PIK3R4: variants seen among roughly 807,000 people sequenced by gnomAD.
PIK3R4 encodes phosphoinositide 3-kinase regulatory subunit 4.
Under a neutral mutation model 136.5 loss-of-function variants are expected in PIK3R4, and 46 were observed. The ratio of observed to expected loss-of-function variants is 0.34; its 90% CI spans 0.27 to 0.43. The LOEUF is 0.43. Ranked by LOEUF, PIK3R4 falls within the 20% of genes least tolerant of loss-of-function variation. PIK3R4 has a pLI of 1.00. For synonymous variants in PIK3R4, 557 were observed against 566.7 expected, an observed-to-expected ratio of 0.98 and a Z score of 0.24; for missense variants, 1,331 against 1,649.5, an observed-to-expected ratio of 0.81 and a Z score of 3.35.
intron 9 of PIK3R4, among the ~76,000 whole-genome samples, chr3:130,715,121 C>CTTT (rs1170237161): frequency 2.0e-4 from 24 of 119,888 alleles, no homozygotes; most frequent in Non-Finnish European, 2.6e-4. Context: ...TTTTTCCCGA[C>CTTT]TTTTTTTTTT....
intron 9 of PIK3R4, among the ~76,000 whole-genome samples, chr3:130,709,215 G>A (rs575408730): frequency 3.3e-5 from 5 of 152,254 alleles, no homozygotes; most frequent in African/African-American, 4.8e-5. Flanking sequence ...ACTTGAAACG[G>A]ACAAATACTA....
At chr3:130,711,440 G>C (rs946872655) in intron 9 of PIK3R4, among the ~76,000 whole-genome samples, 6 of 152,212 alleles carry the variant, frequency 3.9e-5, no homozygotes, top group African/African-American at 1.4e-4. Flanking sequence ...GGCTAACTCT[G>C]TGGAGCAGAG....
At chr3:130,688,992 T>G (rs962569260) in intron 14 of PIK3R4, among the ~76,000 whole-genome samples, 10 of 152,236 alleles carry the variant, frequency 6.6e-5, no homozygotes, top group African/African-American at 2.4e-4. Flanking sequence ...TGACCATATT[T>G]TCCCATTGAG....
chr3:130,718,913 T>C (rs1160033801), intron 7 of PIK3R4, among the ~76,000 whole-genome samples: 1 of 152,120 alleles, frequency 6.6e-6, no homozygotes, highest in African/African-American at 2.4e-5. Context: ...TTCCCCAACT[T>C]GTACCCCCAC....
intron 14 of PIK3R4, among the ~76,000 whole-genome samples, chr3:130,689,412 A>G (rs964083124): frequency 3.3e-5 from 5 of 152,222 alleles, no homozygotes; most frequent in Non-Finnish European, 7.3e-5. Flanking sequence ...ATCTGCGGAA[A>G]CAGACTTTCT....
At chr3:130,720,854 CAA>C (rs1311501429) in intron 7 of PIK3R4, among the ~76,000 whole-genome samples, 1 of 152,140 alleles carries the variant, frequency 6.6e-6, no homozygotes, top group Non-Finnish European at 1.5e-5. Flanking sequence ...CACAGAGCAA[CAA>C]GAGTGAAACT....
rs531509985 is a variant in PIK3R4 at position 130,740,836 on chromosome 3, G to A, written c.733+3650C>T. Among the ~76,000 whole-genome samples, 14 of 152,306 alleles carry A rather than the reference G, an allele frequency of 9.2e-5. No individual in the cohort carries two copies. In the South Asian group the frequency reaches 2.9e-3, roughly 32 times the overall value. ...CATAAGGTTAGGGAAAAAATGGGGC[G>A]TGAGGAAGAAGAAAACGATACCAAT... On this transcript the variant is annotated intron_variant, in intron 2 of 19. Coordinates refer to ENST00000356763, the MANE Select transcript of PIK3R4 (RefSeq NM_014602.3).
At chr3:130,721,480 G>A (rs775781517) in intron 7 of PIK3R4, among the ~76,000 whole-genome samples, 5 of 151,988 alleles carry the variant, frequency 3.3e-5, no homozygotes, top group Non-Finnish European at 5.9e-5. Flanking sequence ...CACAAGAGTC[G>A]ACATAGGAAA....
chr3:130,680,958 A>G lies in PIK3R4; in HGVS notation c.3797+19T>C. On this transcript the variant is annotated intron_variant, in intron 18 of 19. Coordinates refer to ENST00000356763, the MANE Select transcript of PIK3R4 (RefSeq NM_014602.3). ...GCTTGTAAAAGTATCCATTTTATTA[A>G]AGTATTGAGATAGTGTACCTTATTT... is the stretch of plus-strand genomic sequence containing the variant. The G allele has an allele frequency of 8.1e-7, 1 of 1,228,352 alleles. No homozygotes were observed. The highest frequency in any genetic ancestry group is 1.2e-6 in the Non-Finnish European group (1 of 852,620). 76.1% of individuals were successfully genotyped at this position (1,228,352 alleles called of 1,614,324 possible).
rs373562297 is a variant in PIK3R4 at position 130,680,928 on chromosome 3, T to C, written c.3797+49A>G. 14 of 956,072 alleles carry C rather than the reference T, an allele frequency of 1.5e-5. No individual in the cohort carries two copies. The African/African-American group carries it at 2.1e-4, about 15-fold the overall frequency. The allele number at this position is 956,072 out of a possible 1,614,324, so 59.2% of individuals were successfully genotyped here. On this transcript the variant is annotated intron_variant, in intron 18 of 19. Transcript: ENST00000356763. ...ATTACAGTGCCATCAGTATCTATAA[T>C]AACAGCTTGTAAAAGTATCCATTTT...
Position 130,744,766 on chromosome 3 carries a change from A to G in PIK3R4, c.453T>C (p.Thr151=), listed in dbSNP as rs534760715. 6.2e-7 allele frequency: 1 copy of G among 1,614,246 alleles called. No homozygotes were observed. The highest frequency in any genetic ancestry group is 8.5e-7 in the Non-Finnish European group (1 of 1,180,048). Residue 151 remains threonine, a synonymous_variant, in exon 2 of 20, where the codon ACT becomes ACC. Transcript: ENST00000356763. ...TCCAACTGGTGACCATCACATTCTC[A>G]GTCTTGATGTCCCCATGACGAACTC... ...KSGVRHGDIK[T]ENVMVTSWNW...
At chr3:130,693,420 C>T (rs1231213841) in intron 13 of PIK3R4, among the ~76,000 whole-genome samples, 2 of 152,270 alleles carry the variant, frequency 1.3e-5, no homozygotes, top group African/African-American at 2.4e-5. Context: ...ACATTCTCAC[C>T]AGCAATGTAT....
chr3:130,694,071 C>T (rs2066533488), intron 13 of PIK3R4, among the ~76,000 whole-genome samples: 1 of 152,014 alleles, frequency 6.6e-6, no homozygotes, highest in Non-Finnish European at 1.5e-5. Context: ...CATAAATGTA[C>T]TTCTGCATGT....
At chr3:130,740,650 T>A (rs1239921080) in intron 2 of PIK3R4, among the ~76,000 whole-genome samples, 2 of 151,978 alleles carry the variant, frequency 1.3e-5, no homozygotes, top group African/African-American at 2.4e-5. Flanking sequence ...AGCAGCATGA[T>A]ACCCAGGAGG....
intron 2 of PIK3R4, among the ~76,000 whole-genome samples, chr3:130,736,740 T>C (rs754874966): frequency 5.3e-5 from 8 of 152,140 alleles, no homozygotes; most frequent in Non-Finnish European, 1.0e-4. Context: ...CGACAAATCA[T>C]TTATTCATCA....
At chr3:130,740,663 G>A (rs1346780697) in intron 2 of PIK3R4, among the ~76,000 whole-genome samples, 1 of 152,120 alleles carries the variant, frequency 6.6e-6, no homozygotes, top group African/African-American at 2.4e-5. Context: ...CCAGGAGGTG[G>A]AAGTTGCAAT....
chr3:130,705,401 A>C (rs1222164463), intron 12 of PIK3R4, among the ~76,000 whole-genome samples, 160 bp downstream of exon 12: 1 of 152,182 alleles, frequency 6.6e-6, no homozygotes, highest in Non-Finnish European at 1.5e-5. Context: ...TCCACAAATA[A>C]TGACAAGATT....
Position 130,700,131 on chromosome 3 carries a change from CT to C in PIK3R4, c.3098+3591del, listed in dbSNP as rs1435975183. 5.9e-5 allele frequency among the ~76,000 whole-genome samples: 9 copies of C among 152,164 alleles called. No individual in the cohort carries two copies. The East Asian group carries it at 1.7e-3, about 29-fold the overall frequency. ...TTTCTTCTCTTTCCCTTTCTTGCCCCTCTCTTCCTGTTCCAAAAATTTAACT... is the reference window on the plus strand; with the variant it reads ...TTTCTTCTCTTTCCCTTTCTTGCCCCCTCTTCCTGTTCCAAAAATTTAACT... On this transcript the variant is annotated intron_variant, in intron 13 of 19. Coordinates refer to ENST00000356763, the MANE Select transcript of PIK3R4 (RefSeq NM_014602.3).
At chr3:130,682,962 T>C (rs2066468138) in intron 16 of PIK3R4, among the ~76,000 whole-genome samples, 1 of 152,064 alleles carries the variant, frequency 6.6e-6, no homozygotes, top group African/African-American at 2.4e-5. Context: ...GAAGAAGATA[T>C]TACATTAATA....
Sources: gnomAD v4.1 joint callset for allele counts (sites outside exome capture counted in the v4.1 genomes callset) on GRCh38, gnomAD v4.1.1 for gene constraint, MANE v1.5 for transcripts, NCBI Gene and HGNC (gene_info 2026-07-23, HGNC 2026-07-21) for gene names.